The following DNM3 variants were observed in gnomAD, a reference collection of about 807,000 sequenced individuals.
DNM3 encodes dynamin-3.
A neutral mutation model predicts 101.6 loss-of-function variants in DNM3; 47 were observed. The ratio of observed to expected loss-of-function variants is 0.46; its 90% CI spans 0.37 to 0.59. The LOEUF (loss-of-function observed/expected upper bound fraction) is 0.59, where lower values mean the gene tolerates loss of function less well. Ranked by LOEUF, DNM3 falls within the 20% of genes least tolerant of loss-of-function variation. DNM3 has a pLI of 0.00. For missense variants in DNM3, 849 were observed against 1,085.7 expected (o/e 0.78, Z 3.06); for synonymous variants, 385 against 387.9 (o/e 0.99, Z 0.09).
chr1:172,082,802 T>A (rs1395373663), intron 12 of DNM3, among the ~76,000 whole-genome samples: 1 of 152,238 alleles, frequency 6.6e-6, no homozygotes, highest in Non-Finnish European at 1.5e-5. Flanking sequence ...CTGAGGAATT[T>A]ACAGGCATGT....
At chr1:172,126,609 T>A (rs1379077819) in intron 13 of DNM3, among the ~76,000 whole-genome samples, 2 of 152,198 alleles carry the variant, frequency 1.3e-5, no homozygotes, top group African/African-American at 4.8e-5. Flanking sequence ...TAGTGGTGCA[T>A]CTTTGAGGAA....
chr1:172,249,729 A>G (rs1557880630), intron 14 of DNM3, among the ~76,000 whole-genome samples: 1 of 151,986 alleles, frequency 6.6e-6, no homozygotes, highest in South Asian at 2.1e-4. Context: ...TACTCAAGAT[A>G]AAATGTTTAA....
intron 2 of DNM3, among the ~76,000 whole-genome samples, chr1:171,963,735 A>C (rs1476006090): frequency 6.7e-6 from 1 of 149,764 alleles, no homozygotes; most frequent in African/African-American, 2.4e-5. Context: ...ATCTCTATAT[A>C]GATATTATAT....
chr1:172,282,765 G>A (rs538406593), intron 15 of DNM3, among the ~76,000 whole-genome samples: 1 of 152,222 alleles, frequency 6.6e-6, no homozygotes, highest in East Asian at 1.9e-4. Context: ...AGAGTCTTAG[G>A]TTCCTTGTTT....
intron 2 of DNM3, among the ~76,000 whole-genome samples, chr1:171,951,611 T>C (rs12029015): frequency 0.27 from 40,841 of 151,978 alleles, 6,013 homozygotes; most frequent in Admixed American, 0.36. Flanking sequence ...CTGGGAAATT[T>C]ATAGGCATTT....
intron 13 of DNM3, among the ~76,000 whole-genome samples, chr1:172,104,932 A>G (rs1159550183): frequency 6.6e-6 from 1 of 152,212 alleles, no homozygotes; most frequent in Non-Finnish European, 1.5e-5. Context: ...TATTAAGGCA[A>G]GTTCCTTAAT....
intron 13 of DNM3, among the ~76,000 whole-genome samples, chr1:172,114,911 A>T (rs1361145370): frequency 6.6e-6 from 1 of 152,188 alleles, no homozygotes; most frequent in Admixed American, 6.5e-5. Flanking sequence ...TATAATCTTC[A>T]TGCCATGTAC....
chr1:171,919,840 T>G (rs2040016681), intron 1 of DNM3, among the ~76,000 whole-genome samples: 1 of 152,306 alleles, frequency 6.6e-6, no homozygotes, highest in African/African-American at 2.4e-5. Flanking sequence ...ATGGTTTTCA[T>G]GACTATGTTT....
chr1:172,302,913 A>T (rs2064542169), intron 15 of DNM3, among the ~76,000 whole-genome samples: 1 of 152,134 alleles, frequency 6.6e-6, no homozygotes, highest in Non-Finnish European at 1.5e-5. Flanking sequence ...TAAAACCACA[A>T]AGCTGGGGAG....
chr1:171,915,549 G>A (rs1429226280), intron 1 of DNM3, among the ~76,000 whole-genome samples: 2 of 152,182 alleles, frequency 1.3e-5, no homozygotes, highest in Non-Finnish European at 2.9e-5. Flanking sequence ...TGCTAGGCTT[G>A]GCGGACATTT....
At chr1:172,133,853 T>C (rs1368052504) in intron 14 of DNM3, among the ~76,000 whole-genome samples, 2 of 151,744 alleles carry the variant, frequency 1.3e-5, no homozygotes, top group Non-Finnish European at 2.9e-5. Flanking sequence ...ATAGGAACAG[T>C]GGGGGAGAAA....
At chr1:172,048,586 T>C (rs757723825) in intron 9 of DNM3, 26 bp from the exon 10 acceptor site, 49 of 1,581,656 alleles carry the variant, frequency 3.1e-5, no homozygotes, top group Non-Finnish European at 3.9e-5. Context: ...AAAAATCTCA[T>C]GGGCTGCTTG....
chr1:171,901,825 C>CAATTA (rs1378311480), intron 1 of DNM3, among the ~76,000 whole-genome samples: 1 of 152,144 alleles, frequency 6.6e-6, no homozygotes, highest in Non-Finnish European at 1.5e-5. Context: ...AAAATTTTGG[C>CAATTA]AATTAAAGTG....
intron 10 of DNM3, among the ~76,000 whole-genome samples, chr1:172,054,958 T>TC (rs980867395): frequency 2.0e-3 from 240 of 118,026 alleles, no homozygotes; most frequent in African/African-American, 4.5e-3. Flanking sequence ...AGACTCCATT[T>TC]CCCCCCCGCC....
chr1:171,847,679 AAGAATAAGTCATTTAGTTAAAGGAGT>A (rs2032333289), intron 1 of DNM3, among the ~76,000 whole-genome samples: 1 of 152,188 alleles, frequency 6.6e-6, no homozygotes, highest in Non-Finnish European at 1.5e-5. Context: ...TTTCCTTTTA[AAGAATAAGTCATTTAGTTAAAGGAGT>A]AGAATAAGTC....
chr1:172,218,545 G>T (rs1480011680), intron 14 of DNM3, among the ~76,000 whole-genome samples: 1 of 152,048 alleles, frequency 6.6e-6, no homozygotes, highest in Non-Finnish European at 1.5e-5. Flanking sequence ...TCCCACTTAA[G>T]TGAGTATTTG....
chr1:172,029,751 A>G (rs1161521119), intron 4 of DNM3, among the ~76,000 whole-genome samples: 2 of 152,186 alleles, frequency 1.3e-5, no homozygotes, highest in East Asian at 1.9e-4. Flanking sequence ...AAGCATTCCT[A>G]TACACCAATA....
At chr1:172,069,527 A>G (rs2051987373) in intron 11 of DNM3, among the ~76,000 whole-genome samples, 1 of 152,224 alleles carries the variant, frequency 6.6e-6, no homozygotes, top group African/African-American at 2.4e-5. Context: ...ATTATTTTCA[A>G]GTGAGGATAA....
At chr1:171,932,067 C>G (rs868162319) in intron 2 of DNM3, among the ~76,000 whole-genome samples, 10 of 98,348 alleles carry the variant, frequency 1.0e-4, no homozygotes, top group Middle Eastern at 6.8e-3. Context: ...TCCCTCCATT[C>G]CTCCCTCCCT....
Sources: allele counts gnomAD v4.1 joint callset (sites outside exome capture counted in the v4.1 genomes callset), GRCh38; gene constraint gnomAD v4.1.1; transcripts MANE v1.5; gene names NCBI Gene and HGNC (gene_info 2026-07-23, HGNC 2026-07-21).